FKTN: variants seen among roughly 807,000 people sequenced by gnomAD.
The protein encoded by FKTN is fukutin.
A neutral mutation model predicts 58.6 loss-of-function variants in FKTN; 47 were observed. The observed-to-expected ratio is 0.80, with a 90% CI of 0.63 to 1.02. The LOEUF (loss-of-function observed/expected upper bound fraction) is 1.02, where lower values mean the gene tolerates loss of function less well. Among genes scored for constraint, FKTN ranks in the 50% least tolerant of loss-of-function variants. The probability of loss-of-function intolerance (pLI) is 0.00; values close to 1 mark genes in which losing one functional copy is unlikely to be tolerated. For synonymous variants in FKTN, 178 were observed against 191.9 expected, an observed-to-expected ratio of 0.93 and a Z score of 0.60; for missense variants, 516 against 537.3, an observed-to-expected ratio of 0.96 and a Z score of 0.39.
In FKTN at chr9:105,640,326, G is replaced by A. The variant is rs1854125; in HGVS notation, c.*5062G>A. ...AGCAGTTTGAGAAGCTAAGGCAGGTGGATCACTTGAGGCCAGGAGTTCGAG... is the reference window on the plus strand; with the variant it reads ...AGCAGTTTGAGAAGCTAAGGCAGGTAGATCACTTGAGGCCAGGAGTTCGAG... On this transcript the variant is annotated 3_prime_UTR_variant, in exon 11 of 11. Coordinates refer to ENST00000357998, the MANE Select transcript of FKTN (RefSeq NM_001079802.2). 23,550 of 598,412 alleles carry A rather than the reference G, an allele frequency of 0.039. 1,237 individuals are homozygous for A. Among genetic ancestry groups the A allele is most frequent in the African/African-American group, 0.19 (10,021 of 52,560 alleles). The allele number at this position is 598,412 out of a possible 1,614,324, so 37.1% of individuals were successfully genotyped here.
chr9:105,617,241 C>A (rs761785406), intron 8 of FKTN, among the ~76,000 whole-genome samples: 7 of 151,920 alleles, frequency 4.6e-5, no homozygotes, highest in Non-Finnish European at 1.0e-4. Flanking sequence ...TAGGGGAGAC[C>A]CAGGAGTCCT....
At chr9:105,625,045 T>C (rs1174004005) in intron 10 of FKTN, among the ~76,000 whole-genome samples, 2 of 152,220 alleles carry the variant, frequency 1.3e-5, no homozygotes, top group African/African-American at 4.8e-5. Context: ...TTCACAACTG[T>C]TTGCTAATTC....
At chr9:105,600,911 C>A (rs2132698649) in intron 4 of FKTN, 1 of 422,014 alleles carries the variant, frequency 2.4e-6, no homozygotes, top group Non-Finnish European at 4.3e-6. Flanking sequence ...ATATGTTTTT[C>A]TTGTAGCATA....
rs1312246010 is a variant in FKTN, at chr9:105,636,710, T to G, written c.*1446T>G. On this transcript the variant is annotated 3_prime_UTR_variant, in exon 11 of 11. Coordinates refer to ENST00000357998, the MANE Select transcript of FKTN (RefSeq NM_001079802.2). ...AATCTTATATCTTATCTATGCTATT[T>G]AGGACTACTTTCTGGAGCTTGGCAG... The G allele has an allele frequency of 7.7e-7, 1 of 1,298,322 alleles. No individual in the cohort carries two copies. The highest frequency in any genetic ancestry group is 1.0e-6 in the Non-Finnish European group (1 of 984,700). 80.4% of individuals were successfully genotyped at this position (1,298,322 alleles called of 1,614,324 possible). A position where few individuals can be genotyped will look rare whatever the true frequency, so the allele number is the denominator to read the frequency against.
rs1833998024 is a variant in FKTN at position 105,635,877 on chromosome 9, A to G, written c.*613A>G. ...GGGAAGGTGAGAGCTTATTTGTATC[A>G]GAGCTTATTACTTGTCAGGATAAGT... On this transcript the variant is annotated 3_prime_UTR_variant, in exon 11 of 11. Transcript: ENST00000357998. The G allele has an allele frequency of 1.0e-6, 1 of 991,632 alleles. No individual in the cohort carries two copies. Among genetic ancestry groups the G allele is most frequent in the Non-Finnish European group, 1.2e-6 (1 of 833,194 alleles). The allele number at this position is 991,632 out of a possible 1,614,324, so 61.4% of individuals were successfully genotyped here. A position where few individuals can be genotyped will look rare whatever the true frequency, so the allele number is the denominator to read the frequency against.
chr9:105,582,000 A>G (rs1045276909), intron 3 of FKTN, among the ~76,000 whole-genome samples: 2 of 152,122 alleles, frequency 1.3e-5, no homozygotes, highest in Admixed American at 6.5e-5. Flanking sequence ...TTCCCAGGTG[A>G]GGCAATGCCT....
chr9:105,587,658 A>G (rs749080876), intron 3 of FKTN, among the ~76,000 whole-genome samples: 10 of 152,140 alleles, frequency 6.6e-5, no homozygotes, highest in South Asian at 2.1e-4. Context: ...CACTCCTGCT[A>G]TTATCCAGGA....
chr9:105,581,027 T>G (rs1842778288), intron 3 of FKTN, among the ~76,000 whole-genome samples: 1 of 142,774 alleles, frequency 7.0e-6, no homozygotes, highest in South Asian at 2.3e-4. Flanking sequence ...TCAGCTCCTT[T>G]AAGTACTTCT....
chr9:105,603,219 T>G (rs1321278607), intron 5 of FKTN, among the ~76,000 whole-genome samples: 1 of 152,248 alleles, frequency 6.6e-6, no homozygotes, highest in African/African-American at 2.4e-5. Context: ...AAATATTTCC[T>G]GAATTTGTCA....
rs560607444 is a variant in FKTN at position 105,637,244 on chromosome 9, C to T, written c.*1980C>T. 3.0e-6 allele frequency: 3 copies of T among 985,388 alleles called. No individual in the cohort carries two copies. Among genetic ancestry groups the T allele is most frequent in the East Asian group, 2.3e-4 (2 of 8,836 alleles). 61.0% of individuals were successfully genotyped at this position (985,388 alleles called of 1,614,324 possible). A position where few individuals can be genotyped will look rare whatever the true frequency, so the allele number is the denominator to read the frequency against. ...TCTCCCCATTTCCAATTGGGACTCC[C>T]ATTCTTTGCCAGGAGATCTTACCCA... On this transcript the variant is annotated 3_prime_UTR_variant, in exon 11 of 11. Transcript: ENST00000357998.
intron 1 of FKTN, among the ~76,000 whole-genome samples, chr9:105,567,370 A>C (rs1222797441): frequency 1.3e-5 from 2 of 152,220 alleles, no homozygotes; most frequent in Non-Finnish European, 2.9e-5. Flanking sequence ...CCCTGTTTGC[A>C]GATGACATGA....
intron 1 of FKTN, among the ~76,000 whole-genome samples, chr9:105,566,801 C>T (rs1839711744): frequency 2.0e-5 from 3 of 152,116 alleles, no homozygotes; most frequent in Admixed American, 2.0e-4. Context: ...TTTATGAGGC[C>T]AGCATCATCC....
chr9:105,586,168 A>G (rs1019839314), intron 3 of FKTN, among the ~76,000 whole-genome samples: 2 of 152,224 alleles, frequency 1.3e-5, no homozygotes, highest in Non-Finnish European at 2.9e-5. Flanking sequence ...TAGCTTTTCT[A>G]TGATCCTCCA....
chr9:105,606,184 C>G (rs746246545), intron 6 of FKTN, among the ~76,000 whole-genome samples: 1 of 152,032 alleles, frequency 6.6e-6, no homozygotes, highest in Non-Finnish European at 1.5e-5. Flanking sequence ...ATAGAGGACA[C>G]AGAGAACTAC....
intron 3 of FKTN, among the ~76,000 whole-genome samples, chr9:105,582,724 G>T (rs1380152166): frequency 6.6e-6 from 1 of 152,086 alleles, no homozygotes; most frequent in Non-Finnish European, 1.5e-5. Flanking sequence ...TTAGGATAAA[G>T]TCCTAGAGTA....
At chr9:105,598,298 A>G (rs1827202402) in intron 4 of FKTN, 1 of 300,498 alleles carries the variant, frequency 3.3e-6, no homozygotes. Flanking sequence ...ACATACTTCT[A>G]AACTTTTAGA....
In FKTN at chr9:105,640,014, G is replaced by A. The variant is rs1834314201; in HGVS notation, c.*4750G>A. 1.3e-6 allele frequency: 2 copies of A among 1,525,704 alleles called. No homozygotes were observed. The highest frequency in any genetic ancestry group is 1.4e-5 in the African/African-American group (1 of 72,830). The allele number at this position is 1,525,704 out of a possible 1,614,324, so 94.5% of individuals were successfully genotyped here. A position where few individuals can be genotyped will look rare whatever the true frequency, so the allele number is the denominator to read the frequency against. On this transcript the variant is annotated 3_prime_UTR_variant, in exon 11 of 11. Transcript: ENST00000357998. ...ATTTCATTTAATTATCTATGCTGAT[G>A]AATGCCTGTATCATTGTTAATAAAG...
At chr9:105,594,650 G>T (rs1278836611) in intron 3 of FKTN, among the ~76,000 whole-genome samples, 1 of 152,204 alleles carries the variant, frequency 6.6e-6, no homozygotes, top group Non-Finnish European at 1.5e-5. Context: ...GAAGACTGAG[G>T]TAGGAGTATC....
In FKTN at chr9:105,638,724, G is replaced by A. The variant is rs539474742; in HGVS notation, c.*3460G>A. ...CTGCTTGGCTGGAAAGGAGACTAGA[G>A]TATCTAGTTTTTAGTATTTAAACTA... is the stretch of plus-strand genomic sequence containing the variant. On this transcript the variant is annotated 3_prime_UTR_variant, in exon 11 of 11. Transcript: ENST00000357998. 3.6e-4 allele frequency: 352 copies of A among 976,100 alleles called. 3 individuals are homozygous for A. In the African/African-American group the frequency reaches 5.8e-3, roughly 16 times the overall value. 60.5% of individuals were successfully genotyped at this position (976,100 alleles called of 1,614,324 possible). A position where few individuals can be genotyped will look rare whatever the true frequency, so the allele number is the denominator to read the frequency against.
Sources: allele counts gnomAD v4.1 joint callset (sites outside exome capture counted in the v4.1 genomes callset), GRCh38; gene constraint gnomAD v4.1.1; transcripts MANE v1.5; gene names NCBI Gene and HGNC (gene_info 2026-07-23, HGNC 2026-07-21).